The following XRCC2 variants were observed in gnomAD, a reference collection of about 807,000 sequenced individuals.
The protein encoded by XRCC2 is X-ray repair cross complementing 2.
Under a neutral mutation model 27.3 loss-of-function variants are expected in XRCC2, and 24 were observed. That is an observed-to-expected ratio of 0.88 (90% CI 0.64 to 1.24). The LOEUF is 1.24. Ranked by LOEUF, XRCC2 falls within the 50% of genes most tolerant of loss-of-function variation. The pLI is 0.00. For missense variants in XRCC2, 321 were observed against 325.8 expected (o/e 0.99, Z 0.11); for synonymous variants, 106 against 115.4 (o/e 0.92, Z 0.52).
Position 152,660,785 on chromosome 7 carries a change from T to G in XRCC2, c.40-3A>C. 1 of 1,605,166 alleles carries G rather than the reference T, an allele frequency of 6.2e-7. No individual in the cohort carries two copies. Among genetic ancestry groups the G allele is most frequent in the Non-Finnish European group, 8.5e-7 (1 of 1,176,188 alleles). ...CTACCTTCAAGTCGGGCAAGGAGCT[T>G]ATAAAAGAAGAGAGAAGGAAAACTC... On this transcript the variant is annotated splice_region_variant and splice_polypyrimidine_tract_variant and intron_variant, in intron 1 of 2. Coordinates refer to ENST00000359321, the MANE Select transcript of XRCC2 (RefSeq NM_005431.2).
At chr7:152,662,956 C>T (rs187050943) in intron 1 of XRCC2, among the ~76,000 whole-genome samples, 2 of 152,108 alleles carry the variant, frequency 1.3e-5, no homozygotes, top group East Asian at 3.9e-4. Flanking sequence ...ATTTAACAGG[C>T]GTTCGTTGAA....
intron 1 of XRCC2, among the ~76,000 whole-genome samples, chr7:152,674,725 T>A (rs865870285): frequency 3.1e-5 from 3 of 96,900 alleles, no homozygotes; most frequent in East Asian, 2.5e-4. Context: ...TATTTTTAAA[T>A]ATATATTATA....
chr7:152,662,244 GC>G (rs765002781), intron 1 of XRCC2, among the ~76,000 whole-genome samples: 3 of 152,062 alleles, frequency 2.0e-5, no homozygotes, highest in Non-Finnish European at 2.9e-5. Flanking sequence ...GGGATTACAG[GC>G]GTGAGCCACC....
chr7:152,652,720 A>T (rs949029523), intron 2 of XRCC2, among the ~76,000 whole-genome samples: 1 of 152,180 alleles, frequency 6.6e-6, no homozygotes, highest in Non-Finnish European at 1.5e-5. Context: ...TTCATCAGTT[A>T]CCTTCTTCTC....
chr7:152,649,487 T>C (rs1477294880), intron 2 of XRCC2, 124 bp from the exon 3 acceptor site: 1 of 1,239,058 alleles, frequency 8.1e-7, no homozygotes, highest in Admixed American at 2.9e-5. Flanking sequence ...TAAATTCACT[T>C]TTGCCAAAAT....
At chr7:152,662,674 G>A (rs923489207) in intron 1 of XRCC2, among the ~76,000 whole-genome samples, 5 of 136,616 alleles carry the variant, frequency 3.7e-5, no homozygotes, top group South Asian at 2.5e-4. Flanking sequence ...CCGGGTTCAC[G>A]CCATTCTCCT....
chr7:152,654,218 A>G (rs2098029808), intron 2 of XRCC2, among the ~76,000 whole-genome samples: 1 of 143,224 alleles, frequency 7.0e-6, no homozygotes, highest in Admixed American at 7.0e-5. Context: ...AAAAAAAAAG[A>G]TTCAAGATGG....
intron 2 of XRCC2, among the ~76,000 whole-genome samples, chr7:152,653,678 T>G (rs1223771657): frequency 6.6e-6 from 1 of 151,948 alleles, no homozygotes; most frequent in African/African-American, 2.4e-5. Context: ...CCCAGGGTGG[T>G]CTCAAACCCC....
chr7:152,654,929 T>A (rs1294059102), intron 2 of XRCC2, among the ~76,000 whole-genome samples: 1 of 152,212 alleles, frequency 6.6e-6, no homozygotes, highest in Non-Finnish European at 1.5e-5. Context: ...TTTACTGATT[T>A]TATAAACATT....
At chr7:152,658,156 T>A (rs1462101161) in intron 2 of XRCC2, among the ~76,000 whole-genome samples, 2 of 151,468 alleles carry the variant, frequency 1.3e-5, no homozygotes, top group Non-Finnish European at 2.9e-5. Context: ...TTTTCTTTTT[T>A]TTTTTTGAGG....
chr7:152,670,115 G>C (rs917891769), intron 1 of XRCC2, among the ~76,000 whole-genome samples: 1 of 152,122 alleles, frequency 6.6e-6, no homozygotes, highest in Non-Finnish European at 1.5e-5. Context: ...TGTACTGAGA[G>C]AGAAATGCCT....
In XRCC2 at chr7:152,649,099, G is replaced by T; in HGVS notation, c.386C>A (p.Thr129Lys). The change falls in exon 3 of 3, where the codon ACA becomes AAA. Residue 129 changes from threonine (T) to lysine (K), a missense_variant. By Grantham distance (78) the Thr-to-Lys change is moderately conservative. Coordinates refer to ENST00000359321, the MANE Select transcript of XRCC2 (RefSeq NM_005431.2). ...AAACATACTTTCTAGTGAGTAAAGT[G>T]TAAGAAGTAAGTGGGTGCTACTACT... The part of the protein sequence containing the change: ...YCSSSTHLLL[T>K]LYSLESMFCS... 2 of 1,614,158 alleles carry T rather than the reference G, an allele frequency of 1.2e-6. No individual in the cohort carries two copies. Among genetic ancestry groups the T allele is most frequent in the Non-Finnish European group, 1.7e-6 (2 of 1,180,042 alleles).
intron 2 of XRCC2, among the ~76,000 whole-genome samples, chr7:152,656,008 GT>G (rs2098030568): frequency 6.6e-6 from 1 of 152,026 alleles, no homozygotes; most frequent in South Asian, 2.1e-4. Context: ...AAAAATAAAT[GT>G]TTGGATGAGA....
chr7:152,663,345 G>GT (rs199803957), intron 1 of XRCC2, among the ~76,000 whole-genome samples: 12 of 5,462 alleles, frequency 2.2e-3, no homozygotes, highest in African/African-American at 6.9e-3. Context: ...TGTCTTTGAA[G>GT]TAAAAAAAAA....
intron 1 of XRCC2, among the ~76,000 whole-genome samples, chr7:152,668,340 A>C (rs920871296): frequency 2.6e-5 from 4 of 152,088 alleles, no homozygotes; most frequent in South Asian, 2.1e-4. Flanking sequence ...GTTCACTACT[A>C]TCTGTGGTTT....
chr7:152,670,771 G>C (rs2098037855), intron 1 of XRCC2, among the ~76,000 whole-genome samples: 1 of 151,516 alleles, frequency 6.6e-6, no homozygotes, highest in African/African-American at 2.4e-5. Context: ...GGTAATTTTT[G>C]TATTTTTAGT....
intron 1 of XRCC2, chr7:152,663,800 C>G (rs1293081621): frequency 6.6e-6 from 1 of 152,422 alleles, no homozygotes; most frequent in Non-Finnish European, 1.5e-5. Flanking sequence ...GATTATGCCA[C>G]TGCACTCCAG....
intron 1 of XRCC2, among the ~76,000 whole-genome samples, chr7:152,661,058 G>A (rs2098032886): frequency 6.6e-6 from 1 of 152,156 alleles, no homozygotes; most frequent in South Asian, 2.1e-4. Flanking sequence ...CAGCTACTGA[G>A]GAGGCTGAGG....
intron 2 of XRCC2, among the ~76,000 whole-genome samples, chr7:152,658,618 C>G (rs1313127924): frequency 6.6e-6 from 1 of 152,220 alleles, no homozygotes; most frequent in Non-Finnish European, 1.5e-5. Flanking sequence ...CTGGTAACTA[C>G]CATTTTACTT....
Sources: gnomAD v4.1 joint callset for allele counts (sites outside exome capture counted in the v4.1 genomes callset) on GRCh38, gnomAD v4.1.1 for gene constraint, MANE v1.5 for transcripts, NCBI Gene and HGNC (gene_info 2026-07-23, HGNC 2026-07-21) for gene names.